STARD3NL: variants seen among roughly 807,000 people sequenced by gnomAD.
STARD3NL encodes the protein STARD3 N-terminal like, also known as STARD3 N-terminal-like protein.
STARD3NL carries 17 observed loss-of-function variants against 30.9 expected under a neutral mutation model. The ratio of observed to expected loss-of-function variants is 0.55; its 90% CI spans 0.38 to 0.82. The LOEUF (loss-of-function observed/expected upper bound fraction) is 0.82, where lower values mean the gene tolerates loss of function less well. STARD3NL is among the 40% of genes least tolerant of loss of function. The pLI is 0.00. For missense variants in STARD3NL, 234 were observed against 277.6 expected (o/e 0.84, Z 1.12); for synonymous variants, 112 against 100.5 (o/e 1.11, Z -0.69).
intron 2 of STARD3NL, 44 bp downstream of exon 2, chr7:38,207,773 GAGACAAC>G (rs1403792314): frequency 6.4e-7 from 1 of 1,565,542 alleles, no homozygotes; most frequent in Admixed American, 1.7e-5. Flanking sequence ...AGTGTTTCCA[GAGACAAC>G]AGGGTTTTTT....
At chr7:38,181,145 T>C (rs1784230533) in intron 1 of STARD3NL, among the ~76,000 whole-genome samples, 1 of 152,254 alleles carries the variant, frequency 6.6e-6, no homozygotes, top group South Asian at 2.1e-4. Flanking sequence ...ATCTAGTCTC[T>C]GTTAATAGAA....
At chr7:38,192,950 T>C (rs1378535825) in intron 1 of STARD3NL, among the ~76,000 whole-genome samples, 1 of 152,232 alleles carries the variant, frequency 6.6e-6, no homozygotes, top group South Asian at 2.1e-4. Context: ...GTTGGTTTTT[T>C]TTTATGTCAG....
chr7:38,194,386 G>C (rs945155489), intron 1 of STARD3NL, among the ~76,000 whole-genome samples: 8 of 151,990 alleles, frequency 5.3e-5, no homozygotes, highest in African/African-American at 1.9e-4. Context: ...TCCCCAGGTT[G>C]CAACAGTTAT....
chr7:38,188,572 T>G (rs898247116), intron 1 of STARD3NL, among the ~76,000 whole-genome samples: 1 of 152,216 alleles, frequency 6.6e-6, no homozygotes, highest in Non-Finnish European at 1.5e-5. Flanking sequence ...ACAATTTTAG[T>G]GCTCAAACAT....
intron 7 of STARD3NL, among the ~76,000 whole-genome samples, chr7:38,226,279 T>A (rs1454066423): frequency 6.6e-6 from 1 of 152,108 alleles, no homozygotes; most frequent in Non-Finnish European, 1.5e-5. Context: ...TATCTTTATA[T>A]AGCTGTGCTA....
chr7:38,194,447 C>T (rs1784820927), intron 1 of STARD3NL, among the ~76,000 whole-genome samples: 1 of 151,884 alleles, frequency 6.6e-6, no homozygotes, highest in East Asian at 1.9e-4. Context: ...TTTCTTTTTT[C>T]TTTTCTATCC....
intron 1 of STARD3NL, among the ~76,000 whole-genome samples, chr7:38,189,281 G>A (rs949955146): frequency 3.9e-5 from 6 of 152,154 alleles, no homozygotes; most frequent in South Asian, 2.1e-4. Context: ...GAATAACACC[G>A]TGGAAATAAT....
chr7:38,194,821 G>A (rs1784835314), intron 1 of STARD3NL, among the ~76,000 whole-genome samples: 1 of 151,954 alleles, frequency 6.6e-6, no homozygotes, highest in Admixed American at 6.6e-5. Context: ...TATAGTCTAT[G>A]ACTGTAAAGT....
chr7:38,208,071 A>G (rs1785592457), intron 2 of STARD3NL, among the ~76,000 whole-genome samples: 2 of 152,188 alleles, frequency 1.3e-5, no homozygotes, highest in South Asian at 2.1e-4. Flanking sequence ...GTCTGTTTAC[A>G]TATTGTTTAT....
intron 3 of STARD3NL, 59 bp downstream of exon 3, chr7:38,214,493 C>T: frequency 9.1e-7 from 1 of 1,096,140 alleles, no homozygotes; most frequent in African/African-American, 1.6e-5. Context: ...AGGCAGATTT[C>T]CTCTAAATAG....
chr7:38,191,889 A>AC (rs1784700753), intron 1 of STARD3NL, among the ~76,000 whole-genome samples: 1 of 148,066 alleles, frequency 6.8e-6, no homozygotes, highest in Non-Finnish European at 1.5e-5. Flanking sequence ...TACATTTTAG[A>AC]ATTAGCTTGT....
chr7:38,222,998 GT>G (rs1315499257), intron 7 of STARD3NL, among the ~76,000 whole-genome samples: 1 of 152,144 alleles, frequency 6.6e-6, no homozygotes, highest in Non-Finnish European at 1.5e-5. Context: ...CTAAGCTGCT[GT>G]TGCCCTGCTA....
At chr7:38,190,164 C>T (rs1230179216) in intron 1 of STARD3NL, among the ~76,000 whole-genome samples, 1 of 152,114 alleles carries the variant, frequency 6.6e-6, no homozygotes, top group Middle Eastern at 3.2e-3. Context: ...GGGCAGATAG[C>T]ATATGCAGTG....
chr7:38,186,336 A>G (rs1449724839), intron 1 of STARD3NL, among the ~76,000 whole-genome samples: 1 of 152,210 alleles, frequency 6.6e-6, no homozygotes, highest in Non-Finnish European at 1.5e-5. Flanking sequence ...CTAAAAGTAG[A>G]TTTTGTTATG....
chr7:38,184,706 A>C (rs1373643065), intron 1 of STARD3NL, among the ~76,000 whole-genome samples: 10 of 146,440 alleles, frequency 6.8e-5, no homozygotes, highest in Admixed American at 2.7e-4. Flanking sequence ...ATAGTATATA[A>C]TATATATATA....
intron 1 of STARD3NL, among the ~76,000 whole-genome samples, chr7:38,200,084 G>A (rs1401789844): frequency 6.6e-6 from 1 of 152,198 alleles, no homozygotes; most frequent in Non-Finnish European, 1.5e-5. Context: ...TCCCAGAAAT[G>A]TGTAATCTGG....
intron 1 of STARD3NL, among the ~76,000 whole-genome samples, chr7:38,197,268 C>T (rs1411427060): frequency 1.3e-5 from 2 of 150,002 alleles, no homozygotes; most frequent in Non-Finnish European, 3.0e-5. Flanking sequence ...CTCTGTCTCC[C>T]AAGCTAGAGT....
At chr7:38,214,325 T>C in intron 2 of STARD3NL, 32 bp from the exon 3 acceptor site, 1 of 1,400,498 alleles carries the variant, frequency 7.1e-7, no homozygotes, top group South Asian at 1.2e-5. Context: ...CATAAACCTC[T>C]CCTTGTTTTT....
chr7:38,215,970 G>C (rs1480656192), intron 4 of STARD3NL: 1 of 152,260 alleles, frequency 6.6e-6, no homozygotes, highest in Non-Finnish European at 1.5e-5. Context: ...CAGACCATCT[G>C]TTAATCCGGA....
Sources: allele counts gnomAD v4.1 joint callset (sites outside exome capture counted in the v4.1 genomes callset), GRCh38; gene constraint gnomAD v4.1.1; transcripts MANE v1.5; gene names NCBI Gene and HGNC (gene_info 2026-07-23, HGNC 2026-07-21).